Variants in CTNS observed in about 807,000 individuals in gnomAD.
The protein encoded by CTNS is cystinosin, lysosomal cystine transporter, also known as cystinosin.
CTNS carries 27 observed loss-of-function variants against 43.7 expected under a neutral mutation model. That is an observed-to-expected ratio of 0.62 (90% confidence interval 0.46 to 0.85). CTNS has a LOEUF of 0.85. Among genes scored for constraint, CTNS ranks in the 40% least tolerant of loss-of-function variants. The pLI is 0.00. For missense variants in CTNS, 457 were observed against 475.4 expected, an observed-to-expected ratio of 0.96 and a Z score of 0.36; for synonymous variants, 187 against 190.6, an observed-to-expected ratio of 0.98 and a Z score of 0.16.
chr17:3,643,362 T>C (rs2150897043), intron 3 of CTNS, among the ~76,000 whole-genome samples: 1 of 151,818 alleles, frequency 6.6e-6, no homozygotes, highest in South Asian at 2.1e-4. Flanking sequence ...AATTAGAAAA[T>C]GGGAGCTCGG....
intron 3 of CTNS, among the ~76,000 whole-genome samples, chr17:3,642,062 G>T (rs957785068): frequency 5.3e-5 from 2 of 37,452 alleles, no homozygotes; most frequent in Non-Finnish European, 1.4e-4. Context: ...TGTGTACCCG[G>T]GCGTGTGTGT....
chr17:3,648,723 G>A, intron 4 of CTNS, 124 bp from the exon 5 acceptor site: 2 of 819,522 alleles, frequency 2.4e-6, no homozygotes, highest in Non-Finnish European at 4.3e-6. Flanking sequence ...CCATCAGGGT[G>A]GAGCACCTAG....
chr17:3,662,136 C>T lies in CTNS; in HGVS notation c.*1767C>T, dbSNP rs1179261707. On this transcript the variant is annotated 3_prime_UTR_variant, in exon 12 of 12. Transcript: ENST00000046640. ...GACCAGCCTAGCCAACATTGCAAAA[C>T]CCCATCTCTACTAAAGATACAAAAA... is the stretch of plus-strand genomic sequence containing the variant. Among the ~76,000 whole-genome samples the T allele has an allele frequency of 6.6e-6, 1 of 152,126 alleles. No homozygotes were observed. Among genetic ancestry groups the T allele is most frequent in the Admixed American group, 6.6e-5 (1 of 15,266 alleles).
chr17:3,644,443 C>T (rs566958147), intron 3 of CTNS, among the ~76,000 whole-genome samples: 5 of 152,116 alleles, frequency 3.3e-5, no homozygotes, highest in African/African-American at 1.2e-4. Context: ...GGAGTGTTCA[C>T]AAACTCCTAT....
chr17:3,646,006 G>A (rs72835808), intron 3 of CTNS, among the ~76,000 whole-genome samples: 36,095 of 151,936 alleles, frequency 0.24, 4,971 homozygotes, highest in East Asian at 0.5. Flanking sequence ...TCTGGGTCGG[G>A]GAACCGGGCA....
intron 3 of CTNS, among the ~76,000 whole-genome samples, chr17:3,640,925 T>C (rs1359223370): frequency 6.6e-6 from 1 of 151,962 alleles, no homozygotes; most frequent in East Asian, 1.9e-4. Context: ...AAAAGAAGAA[T>C]GGCTTATGCC....
chr17:3,640,029 A>G, intron 2 of CTNS, 159 bp from the exon 3 acceptor site: 3 of 671,652 alleles, frequency 4.5e-6, no homozygotes, highest in Non-Finnish European at 8.2e-6. Context: ...AGTCCTCTCT[A>G]GGGTGTCCCT....
At chr17:3,646,614 T>A (rs1004030587) in intron 3 of CTNS, among the ~76,000 whole-genome samples, 2 of 152,034 alleles carry the variant, frequency 1.3e-5, no homozygotes, top group Non-Finnish European at 2.9e-5. Flanking sequence ...TAAGAAAATA[T>A]TCTGTAGAAA....
Position 3,655,205 on chromosome 17 carries a change from C to T in CTNS, c.330-16C>T, listed in dbSNP as rs763534769. The T allele has an allele frequency of 1.4e-5, 22 of 1,614,152 alleles. No individual in the cohort carries two copies. In the South Asian group the frequency reaches 2.4e-4, roughly 18 times the overall value. On this transcript the variant is annotated splice_polypyrimidine_tract_variant and intron_variant, in intron 6 of 11. Transcript: ENST00000046640. Reference sequence around the variant, plus strand: ...GCCCAGCCTCAGCTCATCCCGGTCCCCAAACTCCTTTCCAGCCCGAGGATA... The same window carrying T: ...GCCCAGCCTCAGCTCATCCCGGTCCTCAAACTCCTTTCCAGCCCGAGGATA...
At chr17:3,657,957 G>T in intron 9 of CTNS, 48 bp from the exon 10 acceptor site, 1 of 1,599,548 alleles carries the variant, frequency 6.3e-7, no homozygotes, top group South Asian at 1.1e-5. Flanking sequence ...CTCAGCCCCG[G>T]CGTGGCCTCT....
Position 3,658,450 on chromosome 17 carries a change from C to T in CTNS, c.852+275C>T, listed in dbSNP as rs143878662. Among the ~76,000 whole-genome samples, 1,646 of 152,364 alleles carry T rather than the reference C, an allele frequency of 0.011. 18 individuals are homozygous for T. Among genetic ancestry groups the T allele is most frequent in the Middle Eastern group, 0.058 (17 of 294 alleles). On this transcript the variant is annotated intron_variant, in intron 10 of 11. Coordinates refer to ENST00000046640, the MANE Select transcript of CTNS (RefSeq NM_004937.3). ...CGGGTGGTTCCCCTTCTCCACACCC[C>T]AGCCTTTCCTGATGCCTTTGGCTCT...
chr17:3,638,579 A>C (rs1166139487), intron 2 of CTNS, among the ~76,000 whole-genome samples: 1 of 152,042 alleles, frequency 6.6e-6, no homozygotes, highest in Non-Finnish European at 1.5e-5. Flanking sequence ...TTACCTCTCA[A>C]TGTCGTTTTG....
chr17:3,642,062 G>GGAGT (rs1555558845), intron 3 of CTNS, among the ~76,000 whole-genome samples: 1 of 37,454 alleles, frequency 2.7e-5, no homozygotes. Context: ...TGTGTACCCG[G>GGAGT]GCGTGTGTGT....
At chr17:3,653,832 C>T (rs573883661) in intron 5 of CTNS, among the ~76,000 whole-genome samples, 123 of 151,522 alleles carry the variant, frequency 8.1e-4, no homozygotes, top group African/African-American at 2.7e-3. Flanking sequence ...GCTGAGATCG[C>T]GCCATTGCAC....
Position 3,660,424 on chromosome 17 carries a change from C to G in CTNS, c.*55C>G, listed in dbSNP as rs751680506. On this transcript the variant is annotated 3_prime_UTR_variant, in exon 12 of 12. Transcript: ENST00000046640. ...GGCCTCGTGCCCTGCTGGGGAAGGC[C>G]TCACCCAGCGAAGGCCGGAGAAGCG... 124 of 1,613,800 alleles carry G rather than the reference C, an allele frequency of 7.7e-5. No homozygotes were observed. The highest frequency in any genetic ancestry group is 1.2e-4 in the Admixed American group (7 of 60,004).
rs1039674409 is a variant in CTNS at position 3,648,416 on chromosome 17, G to A, written c.141-431G>A. ...CCAGCCAGCACATCTGCCTTCTCCC[G>A]TCAGATGCCTCTCCCAGCTTTCCAA... On this transcript the variant is annotated intron_variant, in intron 4 of 11. Coordinates refer to ENST00000046640, the MANE Select transcript of CTNS (RefSeq NM_004937.3). Among the ~76,000 whole-genome samples the A allele has an allele frequency of 3.3e-5, 5 of 152,216 alleles. No homozygotes were observed. The East Asian group carries it at 5.8e-4, about 18-fold the overall frequency.
intron 4 of CTNS, among the ~76,000 whole-genome samples, chr17:3,648,176 T>G (rs1340790537): frequency 6.6e-6 from 1 of 152,178 alleles, no homozygotes; most frequent in Non-Finnish European, 1.5e-5. Context: ...TCGCCTCTCC[T>G]GCGAGATCTG....
At chr17:3,650,100 T>A in intron 5 of CTNS, 3 of 1,514,758 alleles carry the variant, frequency 2.0e-6, no homozygotes, top group Non-Finnish European at 8.9e-7. Flanking sequence ...TCACAATGTA[T>A]GCATACATCA....
At chr17:3,639,637 C>G (rs571207810) in intron 2 of CTNS, among the ~76,000 whole-genome samples, 2 of 149,230 alleles carry the variant, frequency 1.3e-5, no homozygotes, top group Admixed American at 6.7e-5. Flanking sequence ...CACTGCACTC[C>G]AGCCTGGGCA....
Sources: gnomAD v4.1 joint callset for allele counts (sites outside exome capture counted in the v4.1 genomes callset) on GRCh38, gnomAD v4.1.1 for gene constraint, MANE v1.5 for transcripts, NCBI Gene and HGNC (gene_info 2026-07-23, HGNC 2026-07-21) for gene names.